Variants in FAM131B observed in about 807,000 individuals in gnomAD.
The protein encoded by FAM131B is family with sequence similarity 131 member B, also known as protein FAM131B.
A neutral mutation model predicts 42.0 loss-of-function variants in FAM131B; 19 were observed. That is an observed-to-expected ratio of 0.45 (90% CI 0.32 to 0.66). The LOEUF (loss-of-function observed/expected upper bound fraction) is 0.66, where lower values mean the gene tolerates loss of function less well. FAM131B is among the 30% of genes least tolerant of loss of function. The pLI is 0.05. For synonymous variants in FAM131B, 183 were observed against 177.6 expected (o/e 1.03, Z -0.24); for missense variants, 370 against 468.4 (o/e 0.79, Z 1.94).
At chr7:143,372,298 A>G in the FAM131B span, among the ~76,000 whole-genome samples, 10 of 152,242 alleles carry the variant, frequency 6.6e-5, no homozygotes, top group African/African-American at 2.2e-4. Context: ...AGTGAGCACC[A>G]CAGGGTGAGA....
the FAM131B span, among the ~76,000 whole-genome samples, chr7:143,374,341 C>T: frequency 6.6e-6 from 1 of 152,160 alleles, no homozygotes; most frequent in Non-Finnish European, 1.5e-5. Context: ...TCTCTTTCTC[C>T]CTTTGTCCCA....
At chr7:143,363,843 T>G (rs1056564390), upstream of FAM131B, 1 of 152,220 alleles carries the variant, frequency 6.6e-6, no homozygotes, top group Non-Finnish European at 1.5e-5. Flanking sequence ...CAGGGGTCCC[T>G]GGTGTGGGCT....
intron 5 of FAM131B, among the ~76,000 whole-genome samples, chr7:143,357,985 T>C (rs1803753063): frequency 1.3e-5 from 2 of 152,196 alleles, no homozygotes; most frequent in Admixed American, 1.3e-4. Context: ...TTTTTAGGAA[T>C]TGCAGTCTAG....
rs541795344 is a variant in FAM131B at position 143,356,187 on chromosome 7, G to A, written c.*363C>T. 3.5e-4 allele frequency: 82 copies of A among 236,510 alleles called. No homozygotes were observed. Among genetic ancestry groups the A allele is most frequent in the African/African-American group, 1.4e-3 (61 of 44,398 alleles). 14.7% of individuals were successfully genotyped at this position (236,510 alleles called of 1,614,324 possible). A position where few individuals can be genotyped will look rare whatever the true frequency, so the allele number is the denominator to read the frequency against. On this transcript the variant is annotated 3_prime_UTR_variant, in exon 7 of 7. Coordinates refer to ENST00000443739, the MANE Select transcript of FAM131B (RefSeq NM_001031690.3). This position sits in a 1 kb window ranked among gnomAD's most constrained non-coding sequence, Gnocchi z 4.4. ...GTTACAGCTCCTGGAAGACGAAATC[G>A]GGGCGTGAAGAACTGAGATCCAGTC...
chr7:143,381,364 C>G, the FAM131B span: 1 of 1,159,682 alleles, frequency 8.6e-7, no homozygotes, highest in Non-Finnish European at 1.1e-6. Flanking sequence ...GCGGACCCGG[C>G]GCCGAGGCGG....
At chr7:143,373,670 C>T in the FAM131B span, among the ~76,000 whole-genome samples, 2 of 152,246 alleles carry the variant, frequency 1.3e-5, no homozygotes, top group South Asian at 4.1e-4. Context: ...CTGAAAAGGG[C>T]CTACATGCTC....
rs1429174772 is a variant in FAM131B at position 143,353,498 on chromosome 7, T to C, written c.*3052A>G. ...CCAGGCCAAGAGAGATGCTGAAGCC[T>C]GGGTGGGGGACTGGCAGTGGGCATT... is the stretch of plus-strand genomic sequence containing the variant. On this transcript the variant is annotated 3_prime_UTR_variant, in exon 7 of 7. Transcript: ENST00000443739. 1 of 152,206 alleles carries C rather than the reference T, an allele frequency of 6.6e-6. No individual in the cohort carries two copies. The highest frequency in any genetic ancestry group is 1.5e-5 in the Non-Finnish European group (1 of 68,038). 9.4% of individuals were successfully genotyped at this position (152,206 alleles called of 1,614,324 possible). A position where few individuals can be genotyped will look rare whatever the true frequency, so the allele number is the denominator to read the frequency against.
chr7:143,369,323 G>A, the FAM131B span, among the ~76,000 whole-genome samples: 1 of 152,136 alleles, frequency 6.6e-6, no homozygotes, highest in Admixed American at 6.5e-5. Flanking sequence ...ATAAGCTCAG[G>A]CCTCATAATC....
Position 143,359,388 on chromosome 7 carries a change from G to C in FAM131B, c.206C>G (p.Pro69Arg). 6.2e-7 allele frequency: 1 copy of C among 1,613,706 alleles called. No homozygotes were observed. The highest frequency in any genetic ancestry group is 8.5e-7 in the Non-Finnish European group (1 of 1,179,918). Residue 69 changes from proline to arginine, a missense_variant, in exon 4 of 7, where the codon CCG becomes CGG. By Grantham distance (103) the Pro-to-Arg change is moderately radical. Coordinates refer to ENST00000443739, the MANE Select transcript of FAM131B (RefSeq NM_001031690.3). The surrounding 1 kb of genome is among the most constrained non-coding windows in gnomAD (Gnocchi z 5.4). ...GGCGTTAGAGTTTCGCTTAAGCTTC[G>C]GAAGAATGGAAGTGGTGTCCTCCAT... ...LSMEDTTSIL[P>R]KLKRNSNAYG...
At position 143,359,562 on chromosome 7, in the gene FAM131B, AG is replaced by A. The variant is rs1226863253; in HGVS notation, c.175-144del. On this transcript the variant is annotated intron_variant, in intron 3 of 6. Coordinates refer to ENST00000443739, the MANE Select transcript of FAM131B (RefSeq NM_001031690.3). This position sits in a 1 kb window ranked among gnomAD's most constrained non-coding sequence, Gnocchi z 5.4. ...AAAGCTACTATACCCAAGAGTCCCA[AG>A]GAGGGATATATCCCCAGTGCTCTGG... 1.1e-6 allele frequency: 1 copy of A among 922,334 alleles called. No homozygotes were observed. Among genetic ancestry groups the A allele is most frequent in the Non-Finnish European group, 1.7e-6 (1 of 572,532 alleles). The allele number at this position is 922,334 out of a possible 1,614,324, so 57.1% of individuals were successfully genotyped here.
Position 143,359,578 on chromosome 7 carries a change from C to T in FAM131B, c.174+154G>A. 1.1e-6 allele frequency: 1 copy of T among 930,388 alleles called. No homozygotes were observed. Among genetic ancestry groups the T allele is most frequent in the Non-Finnish European group, 1.7e-6 (1 of 579,666 alleles). The allele number at this position is 930,388 out of a possible 1,614,324, so 57.6% of individuals were successfully genotyped here. ...AGAGTCCCAAGGAGGGATATATCCC[C>T]AGTGCTCTGGAAAACTGGGGCACAG... On this transcript the variant is annotated intron_variant, in intron 3 of 6. Transcript: ENST00000443739. This position sits in a 1 kb window ranked among gnomAD's most constrained non-coding sequence, Gnocchi z 5.4.
chr7:143,358,756 G>T lies in FAM131B; in HGVS notation c.466+71C>A. On this transcript the variant is annotated intron_variant, in intron 5 of 6. Coordinates refer to ENST00000443739, the MANE Select transcript of FAM131B (RefSeq NM_001031690.3). The surrounding 1 kb of genome is among the most constrained non-coding windows in gnomAD (Gnocchi z 4.7). ...ATGGATGGAGCTAATCCTGCCACAG[G>T]GGATCAGGTTGGAGGGTCGGTCCCT... 36 of 1,208,336 alleles carry T rather than the reference G, an allele frequency of 3.0e-5. No individual in the cohort carries two copies. Among genetic ancestry groups the T allele is most frequent in the Non-Finnish European group, 4.2e-5 (35 of 828,384 alleles). 74.9% of individuals were successfully genotyped at this position (1,208,336 alleles called of 1,614,324 possible). A position where few individuals can be genotyped will look rare whatever the true frequency, so the allele number is the denominator to read the frequency against.
At position 143,362,626 on chromosome 7, in the gene FAM131B, G is replaced by A. The variant is rs1198961792; in HGVS notation, c.-23C>T. 4 of 1,208,430 alleles carry A rather than the reference G, an allele frequency of 3.3e-6. No homozygotes were observed. Among genetic ancestry groups the A allele is most frequent in the African/African-American group, 3.2e-5 (2 of 63,236 alleles). The allele number at this position is 1,208,430 out of a possible 1,614,324, so 74.9% of individuals were successfully genotyped here. On this transcript the variant is annotated 5_prime_UTR_variant, in exon 1 of 7. Transcript: ENST00000443739. This position sits in a 1 kb window ranked among gnomAD's most constrained non-coding sequence, Gnocchi z 7.7. ...CATGGCTCCGGGGGCCGCAGAGCCG[G>A]GCCCTCACCGACTCGGGGCGCGCGC...
chr7:143,378,712 G>C, the FAM131B span, among the ~76,000 whole-genome samples: 3 of 151,976 alleles, frequency 2.0e-5, no homozygotes, highest in Non-Finnish European at 2.9e-5. Context: ...CAGTAGCTGG[G>C]ACTACACGCT....
chr7:143,357,351 C>T lies in FAM131B; in HGVS notation c.539G>A (p.Ser180Asn), dbSNP rs777704977. The change falls in exon 6 of 7, where the codon AGT becomes AAT. Residue 180 changes from serine to asparagine, a missense_variant. Ser to Asn is a conservative substitution (Grantham distance 46, BLOSUM62 1). Coordinates refer to ENST00000443739, the MANE Select transcript of FAM131B (RefSeq NM_001031690.3). ...AWSSMDGEDM[S>N]VNSTQEPLGC... Reference sequence around the variant, plus strand: ...CAATGGCTCCTGGGTGGAGTTCACACTCATGTCCTCACCATCCATGGAAGA... The same window carrying T: ...CAATGGCTCCTGGGTGGAGTTCACATTCATGTCCTCACCATCCATGGAAGA... 3 of 1,614,092 alleles carry T rather than the reference C, an allele frequency of 1.9e-6. No individual in the cohort carries two copies. Among genetic ancestry groups the T allele is most frequent in the South Asian group, 2.2e-5 (2 of 91,082 alleles).
Position 143,362,155 on chromosome 7 carries a change from T to G in FAM131B, c.28+421A>C, listed in dbSNP as rs1028474063. 3.1e-5 allele frequency: 12 copies of G among 389,214 alleles called. No homozygotes were observed. Among genetic ancestry groups the G allele is most frequent in the Non-Finnish European group, 4.2e-5 (12 of 284,158 alleles). 24.1% of individuals were successfully genotyped at this position (389,214 alleles called of 1,614,324 possible). On this transcript the variant is annotated intron_variant, in intron 1 of 6. Transcript: ENST00000443739. The surrounding 1 kb of genome is among the most constrained non-coding windows in gnomAD (Gnocchi z 7.7). ...GGGGCGTGCGAAAGAAACTCGGGGC[T>G]GGCGCGGAGGCCGAGGGTCCTTCGC...
chr7:143,359,648 AC>A lies in FAM131B; in HGVS notation c.174+83del. On this transcript the variant is annotated intron_variant, in intron 3 of 6. Coordinates refer to ENST00000443739, the MANE Select transcript of FAM131B (RefSeq NM_001031690.3). This position sits in a 1 kb window ranked among gnomAD's most constrained non-coding sequence, Gnocchi z 5.4. ...ACAGTGCCTATTGGAGCCAGGGAAT[AC>A]CGTGCTGGTTGGAAGGTGCAAGGGA... 7.6e-7 allele frequency: 1 copy of A among 1,321,102 alleles called. No homozygotes were observed. Among genetic ancestry groups the A allele is most frequent in the Non-Finnish European group, 1.1e-6 (1 of 936,522 alleles). The allele number at this position is 1,321,102 out of a possible 1,614,324, so 81.8% of individuals were successfully genotyped here.
intron 5 of FAM131B, among the ~76,000 whole-genome samples, chr7:143,357,839 C>A (rs986704488): frequency 3.3e-5 from 5 of 152,110 alleles, no homozygotes; most frequent in African/African-American, 9.7e-5. Context: ...TTGTGTATGT[C>A]CCCAGAGAAG....
chr7:143,357,480 G>A (rs1018045224), intron 5 of FAM131B, 57 bp from the exon 6 acceptor site: 15 of 1,528,598 alleles, frequency 9.8e-6, no homozygotes, highest in Admixed American at 9.2e-5. Flanking sequence ...AGACATGTGC[G>A]TGGGGTAGGA....
Sources: gnomAD v4.1 joint callset for allele counts (sites outside exome capture counted in the v4.1 genomes callset) on GRCh38, gnomAD v4.1.1 for gene constraint, Gnocchi (gnomAD v3.1) non-coding constraint, MANE v1.5 for transcripts, NCBI Gene and HGNC (gene_info 2026-07-23, HGNC 2026-07-21) for gene names.